ULK4: variants seen among roughly 807,000 people sequenced by gnomAD.
The protein encoded by ULK4 is unc-51 like kinase 4.
A neutral mutation model predicts 160.6 loss-of-function variants in ULK4; 133 were observed. The observed-to-expected ratio is 0.83, with a 90% CI of 0.72 to 0.96. The LOEUF (loss-of-function observed/expected upper bound fraction) is 0.96, where lower values mean the gene tolerates loss of function less well. Ranked by LOEUF, ULK4 falls within the 40% of genes least tolerant of loss-of-function variation. The pLI, the probability that ULK4 is intolerant of heterozygous loss-of-function variation, is 0.00. For missense variants in ULK4, 1,580 were observed against 1,499.5 expected (o/e 1.05, Z -0.89); for synonymous variants, 534 against 539.8 (o/e 0.99, Z 0.15).
At chr3:41,369,556 G>A (rs2081320323) in intron 35 of ULK4, among the ~76,000 whole-genome samples, 1 of 151,738 alleles carries the variant, frequency 6.6e-6, no homozygotes, top group Admixed American at 6.6e-5. Flanking sequence ...ACTTTGAGAG[G>A]CCAAGGTGGG....
In ULK4 at chr3:41,522,181, C is replaced by T. The variant is rs377738499; in HGVS notation, c.3226+43844G>A. On this transcript the variant is annotated intron_variant, in intron 32 of 36. Transcript: ENST00000301831. ...TTACTCTGTCACCCAGGCAGCAGTGCAGTGGCACAGTCTCAGCTCACTGCA... is the reference window on the plus strand; with the variant it reads ...TTACTCTGTCACCCAGGCAGCAGTGTAGTGGCACAGTCTCAGCTCACTGCA... Among the ~76,000 whole-genome samples the T allele has an allele frequency of 1.9e-4, 28 of 146,114 alleles. No homozygotes were observed. The East Asian group carries it at 2.2e-3, about 11-fold the overall frequency.
At chr3:41,494,781 C>T (rs898107037) in intron 32 of ULK4, among the ~76,000 whole-genome samples, 9 of 151,972 alleles carry the variant, frequency 5.9e-5, no homozygotes, top group Admixed American at 4.6e-4. Context: ...TCTTATACAC[C>T]AATAACAGAC....
intron 32 of ULK4, among the ~76,000 whole-genome samples, chr3:41,511,157 C>T (rs1412141412): frequency 1.3e-4 from 9 of 68,436 alleles, no homozygotes; most frequent in African/African-American, 2.8e-4. Context: ...AGCGAGACTC[C>T]GTCTCAAAAA....
At chr3:41,318,539 G>A (rs1375040874) in intron 35 of ULK4, among the ~76,000 whole-genome samples, 3 of 152,244 alleles carry the variant, frequency 2.0e-5, no homozygotes, top group South Asian at 4.1e-4. Flanking sequence ...AAAAAAAAGG[G>A]TCTGTGTTTT....
chr3:41,301,326 GA>G (rs1167698475), intron 35 of ULK4, among the ~76,000 whole-genome samples: 1 of 151,164 alleles, frequency 6.6e-6, no homozygotes, highest in Non-Finnish European at 1.5e-5. Flanking sequence ...AATCTTTTAA[GA>G]TTAGGGGAAA....
chr3:41,941,036 C>CTTT (rs564613112), intron 2 of ULK4, among the ~76,000 whole-genome samples: 1 of 141,540 alleles, frequency 7.1e-6, no homozygotes, highest in African/African-American at 2.6e-5. Context: ...TGTTCTTAAC[C>CTTT]TTTTTTTTTT....
At chr3:41,735,745 T>C (rs931745294) in intron 22 of ULK4, among the ~76,000 whole-genome samples, 4 of 150,318 alleles carry the variant, frequency 2.7e-5, no homozygotes, top group African/African-American at 4.9e-5. Flanking sequence ...ATGTGCACAA[T>C]GTGCAGGTTT....
chr3:41,938,256 G>T, intron 2 of ULK4, 59 bp from the exon 3 acceptor site: 3 of 1,303,256 alleles, frequency 2.3e-6, no homozygotes, highest in East Asian at 2.3e-5. Flanking sequence ...TACATCTACT[G>T]AGAAAAACCT....
At chr3:41,945,295 A>C (rs17284313) in intron 2 of ULK4, among the ~76,000 whole-genome samples, 19,072 of 152,166 alleles carry the variant, frequency 0.13, 1,376 homozygotes, top group Middle Eastern at 0.27. Context: ...CACTTACATC[A>C]GTTTGGAATC....
chr3:41,669,384 C>T (rs1284909196), intron 29 of ULK4, among the ~76,000 whole-genome samples: 4 of 152,060 alleles, frequency 2.6e-5, no homozygotes, highest in African/African-American at 9.7e-5. Flanking sequence ...CTCCCCACTC[C>T]CACCCCAAAG....
At chr3:41,468,153 G>C (rs2083881140) in intron 32 of ULK4, among the ~76,000 whole-genome samples, 2 of 152,098 alleles carry the variant, frequency 1.3e-5, no homozygotes, top group Non-Finnish European at 1.5e-5. Flanking sequence ...TGCTGAGTTT[G>C]ATACAACAAA....
chr3:41,717,907 T>C, intron 22 of ULK4, 46 bp from the exon 23 acceptor site: 1 of 1,576,046 alleles, frequency 6.3e-7, no homozygotes. Flanking sequence ...ATAAAACACT[T>C]GATAGCATCT....
At chr3:41,535,686 T>C (rs1418280724) in intron 32 of ULK4, among the ~76,000 whole-genome samples, 2 of 152,212 alleles carry the variant, frequency 1.3e-5, no homozygotes, top group East Asian at 3.8e-4. Flanking sequence ...CTACACACAC[T>C]ATGGGTTTGC....
intron 32 of ULK4, among the ~76,000 whole-genome samples, chr3:41,474,302 A>G (rs1261658292): frequency 1.3e-5 from 2 of 152,218 alleles, no homozygotes; most frequent in Non-Finnish European, 2.9e-5. Context: ...TCAGACATCC[A>G]TATGTAGAAG....
At chr3:41,519,987 C>T (rs1279513219) in intron 32 of ULK4, among the ~76,000 whole-genome samples, 3 of 152,168 alleles carry the variant, frequency 2.0e-5, no homozygotes, top group Non-Finnish European at 1.5e-5. Context: ...TACCTCTCAC[C>T]AGCAGAATGT....
At chr3:41,807,999 G>A (rs1414920876) in intron 19 of ULK4, among the ~76,000 whole-genome samples, 2 of 152,152 alleles carry the variant, frequency 1.3e-5, no homozygotes, top group Non-Finnish European at 2.9e-5. Flanking sequence ...CACCCACACA[G>A]AGTTGTCGTC....
At chr3:41,496,428 AG>A (rs1411976731) in intron 32 of ULK4, among the ~76,000 whole-genome samples, 1 of 152,116 alleles carries the variant, frequency 6.6e-6, no homozygotes, top group African/African-American at 2.4e-5. Context: ...ACAATGAATG[AG>A]CCCCATAACC....
intron 31 of ULK4, among the ~76,000 whole-genome samples, chr3:41,589,965 T>C (rs1286587649): frequency 6.6e-6 from 1 of 151,428 alleles, no homozygotes; most frequent in African/African-American, 2.4e-5. Context: ...ATGAATAGAA[T>C]GAGATAAAGA....
At chr3:41,305,570 C>A (rs1229105542) in intron 35 of ULK4, among the ~76,000 whole-genome samples, 2 of 152,220 alleles carry the variant, frequency 1.3e-5, no homozygotes, top group Non-Finnish European at 2.9e-5. Flanking sequence ...CGGCTCGCTA[C>A]AACGTCCACC....
Sources: allele counts gnomAD v4.1 joint callset (sites outside exome capture counted in the v4.1 genomes callset), GRCh38; gene constraint gnomAD v4.1.1; transcripts MANE v1.5; gene names NCBI Gene and HGNC (gene_info 2026-07-23, HGNC 2026-07-21).